Variants in EVI5 observed in about 807,000 individuals in gnomAD.
The protein encoded by EVI5 is ecotropic viral integration site 5 protein homolog.
A neutral mutation model predicts 112.0 loss-of-function variants in EVI5; 73 were observed. The ratio of observed to expected loss-of-function variants is 0.65; its 90% CI spans 0.54 to 0.79. The LOEUF (loss-of-function observed/expected upper bound fraction) is 0.79, where lower values mean the gene tolerates loss of function less well. Among genes scored for constraint, EVI5 ranks in the 30% least tolerant of loss-of-function variants. The pLI, the probability that EVI5 is intolerant of heterozygous loss-of-function variation, is 0.00. For missense variants in EVI5, 900 were observed against 968.8 expected (o/e 0.93, Z 0.94); for synonymous variants, 305 against 319.9 (o/e 0.95, Z 0.50).
At chr1:92,715,130 C>T (rs191482704) in intron 2 of EVI5, among the ~76,000 whole-genome samples, 2 of 152,076 alleles carry the variant, frequency 1.3e-5, no homozygotes, top group African/African-American at 4.8e-5. Flanking sequence ...CTCAGCCTTC[C>T]AAGTAGCTGG....
At chr1:92,729,286 C>T in intron 2 of EVI5, among the ~76,000 whole-genome samples, 1 of 152,144 alleles carries the variant, frequency 6.6e-6, no homozygotes, top group East Asian at 1.9e-4. Context: ...AAGTCATGAA[C>T]AGAAATACGT....
intron 10 of EVI5, among the ~76,000 whole-genome samples, chr1:92,666,853 A>G (rs1179853479): frequency 1.3e-5 from 2 of 152,176 alleles, no homozygotes; most frequent in Non-Finnish European, 1.5e-5. Context: ...ATATTTTCTT[A>G]TGTGTTTTAA....
intron 19 of EVI5, among the ~76,000 whole-genome samples, chr1:92,517,767 T>A (rs1557696893): frequency 6.6e-6 from 1 of 152,176 alleles, no homozygotes; most frequent in Non-Finnish European, 1.5e-5. Flanking sequence ...GGACCACTAC[T>A]CTAGGCAATG....
chr1:92,724,262 T>C (rs1471319393), intron 2 of EVI5, among the ~76,000 whole-genome samples: 1 of 152,112 alleles, frequency 6.6e-6, no homozygotes, highest in Non-Finnish European at 1.5e-5. Context: ...GAGGCCCAGC[T>C]GTAAAATTTA....
intron 13 of EVI5, among the ~76,000 whole-genome samples, chr1:92,637,498 T>C (rs993121938): frequency 4.6e-5 from 7 of 152,300 alleles, no homozygotes; most frequent in African/African-American, 1.7e-4. Context: ...TTTCCTACTC[T>C]ATAAAACATG....
intron 2 of EVI5, among the ~76,000 whole-genome samples, chr1:92,732,854 C>T (rs948445329): frequency 2.0e-5 from 3 of 146,962 alleles, no homozygotes; most frequent in Admixed American, 7.0e-5. Context: ...GAGCAGAGAT[C>T]GCACCACTGC....
chr1:92,590,822 A>G (rs1673715490), intron 18 of EVI5, among the ~76,000 whole-genome samples: 1 of 152,228 alleles, frequency 6.6e-6, no homozygotes, highest in African/African-American at 2.4e-5. Flanking sequence ...CAGATTCATC[A>G]AAGTTGAAAT....
rs79772343 is a variant in EVI5, at chr1:92,701,599, C to T, written c.639+542G>A. Among the ~76,000 whole-genome samples, 253 of 152,132 alleles carry T rather than the reference C, an allele frequency of 1.7e-3. 5 individuals are homozygous for T. In the East Asian group the frequency reaches 0.044, roughly 27 times the overall value. ...ATTTCCCTTCAAAGCTATGATTATC[C>T]TACCCCCGAATTCTGAAAACATTCC... On this transcript the variant is annotated intron_variant, in intron 5 of 19. Transcript: ENST00000684568.
intron 5 of EVI5, among the ~76,000 whole-genome samples, chr1:92,699,181 G>A (rs944000258): frequency 2.0e-5 from 3 of 151,968 alleles, no homozygotes; most frequent in Non-Finnish European, 2.9e-5. Flanking sequence ...CAACACAGAT[G>A]GCCACAATTC....
intron 16 of EVI5, among the ~76,000 whole-genome samples, chr1:92,620,269 C>T (rs937558225): frequency 2.6e-5 from 4 of 151,320 alleles, no homozygotes; most frequent in Middle Eastern, 3.4e-3. Context: ...TGGCTTGAAC[C>T]CAGGTGGCTG....
chr1:92,723,388 G>A (rs1377072060), intron 2 of EVI5, among the ~76,000 whole-genome samples: 3 of 152,208 alleles, frequency 2.0e-5, no homozygotes, highest in Admixed American at 2.0e-4. Flanking sequence ...CAAGGCAGAA[G>A]AAGATAAATT....
At chr1:92,547,736 A>G (rs1221883941) in intron 19 of EVI5, among the ~76,000 whole-genome samples, 1 of 152,260 alleles carries the variant, frequency 6.6e-6, no homozygotes, top group African/African-American at 2.4e-5. Flanking sequence ...CAAATAAACT[A>G]GAAAATCTAG....
chr1:92,688,666 A>C (rs1178416363), intron 9 of EVI5, among the ~76,000 whole-genome samples: 1 of 152,222 alleles, frequency 6.6e-6, no homozygotes, highest in African/African-American at 2.4e-5. Flanking sequence ...AATTGTAGGA[A>C]AGACTATAGA....
chr1:92,701,373 T>C (rs76627201), intron 5 of EVI5, among the ~76,000 whole-genome samples: 84 of 152,328 alleles, frequency 5.5e-4, no homozygotes, highest in African/African-American at 2.0e-3. Context: ...GTAGATAGTA[T>C]TATCTTACTA....
intron 11 of EVI5, among the ~76,000 whole-genome samples, chr1:92,664,873 G>T (rs1352490243): frequency 6.6e-6 from 1 of 152,134 alleles, no homozygotes; most frequent in African/African-American, 2.4e-5. Context: ...ATATGATGAG[G>T]GGTATGTTTA....
intron 19 of EVI5, among the ~76,000 whole-genome samples, chr1:92,539,230 C>T (rs757809110): frequency 1.1e-4 from 17 of 152,206 alleles, no homozygotes; most frequent in Non-Finnish European, 2.1e-4. Context: ...GGTGTCAAAT[C>T]ACTCAAGAAA....
intron 4 of EVI5, 37 bp downstream of exon 4, chr1:92,703,358 T>C (rs773167320): frequency 2.5e-6 from 3 of 1,215,820 alleles, no homozygotes; most frequent in Non-Finnish European, 3.5e-6. Flanking sequence ...CTTCCAGGAA[T>C]TCATTTCATT....
chr1:92,603,886 C>A (rs959283802), intron 18 of EVI5, among the ~76,000 whole-genome samples: 2 of 152,032 alleles, frequency 1.3e-5, no homozygotes, highest in Non-Finnish European at 2.9e-5. Flanking sequence ...AGGTGCACCA[C>A]CAGGTCCAAC....
intron 1 of EVI5, among the ~76,000 whole-genome samples, chr1:92,755,612 C>T (rs896697134): frequency 2.0e-5 from 3 of 152,162 alleles, no homozygotes; most frequent in South Asian, 2.1e-4. Flanking sequence ...CAAGGACCTA[C>T]GTACTGAAAT....
Sources: allele counts gnomAD v4.1 joint callset (sites outside exome capture counted in the v4.1 genomes callset), GRCh38; gene constraint gnomAD v4.1.1; transcripts MANE v1.5; gene names NCBI Gene and HGNC (gene_info 2026-07-23, HGNC 2026-07-21).